The following SDK1 variants were observed in gnomAD, a reference collection of about 807,000 sequenced individuals.
SDK1 encodes the protein sidekick cell adhesion molecule 1, also known as protein sidekick-1.
A neutral mutation model predicts 245.5 loss-of-function variants in SDK1; 157 were observed. That is an observed-to-expected ratio of 0.64 (90% CI 0.56 to 0.73). The LOEUF (loss-of-function observed/expected upper bound fraction) is 0.73. Among genes scored for constraint, SDK1 ranks in the 30% least tolerant of loss-of-function variants. The probability of loss-of-function intolerance (pLI) is 0.00; values close to 1 mark genes in which losing one functional copy is unlikely to be tolerated. For synonymous variants in SDK1, 1,647 were observed against 1,278.5 expected (o/e 1.29, Z -6.15); for missense variants, 3,583 against 3,002.3 (o/e 1.19, Z -4.52).
rs1339063865 is a variant in SDK1, at chr7:4,268,854, G to A, written c.*3470G>A. ...GCGTCACCTTCTGGTTTAGGGAGCC[G>A]TCAGGTCCCTAAACGTTCCCTACAA... On this transcript the variant is annotated 3_prime_UTR_variant, in exon 45 of 45. Transcript: ENST00000404826. The A allele has an allele frequency of 1.0e-5, 8 of 764,008 alleles. No individual in the cohort carries two copies. Among genetic ancestry groups the A allele is most frequent in the East Asian group, 5.3e-5 (1 of 18,810 alleles). 47.3% of individuals were successfully genotyped at this position (764,008 alleles called of 1,614,324 possible).
chr7:3,395,790 T>G (rs938266603), intron 1 of SDK1, among the ~76,000 whole-genome samples: 1 of 151,928 alleles, frequency 6.6e-6, no homozygotes, highest in Non-Finnish European at 1.5e-5. Context: ...TTGTTAATAT[T>G]TCTTTGTCTT....
intron 5 of SDK1, among the ~76,000 whole-genome samples, chr7:3,850,325 G>A (rs1159481399): frequency 6.6e-6 from 1 of 152,212 alleles, no homozygotes; most frequent in African/African-American, 2.4e-5. Context: ...GAAAGCATGT[G>A]TAACGTTGCT....
intron 40 of SDK1, among the ~76,000 whole-genome samples, chr7:4,228,649 C>T (rs917226523): frequency 6.6e-6 from 1 of 152,222 alleles, no homozygotes; most frequent in African/African-American, 2.4e-5. Flanking sequence ...AAGCGATTCT[C>T]CTGCCTCAGT....
At position 3,963,951 on chromosome 7, in the gene SDK1, G is replaced by A. The variant is rs1032074019; in HGVS notation, c.1429+1100G>A. On this transcript the variant is annotated intron_variant, in intron 9 of 44. Coordinates refer to ENST00000404826, the MANE Select transcript of SDK1 (RefSeq NM_152744.4). ...ATCCAGTGAGCACACCCAGGCCGAC[G>A]GCTACCCAGATGTATCCAGTGGGTA... 1.1e-4 allele frequency among the ~76,000 whole-genome samples: 17 copies of A among 151,982 alleles called. No homozygotes were observed. The South Asian group carries it at 1.2e-3, about 11-fold the overall frequency.
At chr7:4,078,318 A>G (rs925713199) in intron 21 of SDK1, among the ~76,000 whole-genome samples, 3 of 152,206 alleles carry the variant, frequency 2.0e-5, no homozygotes, top group African/African-American at 2.4e-5. Flanking sequence ...CCGTGCTTGA[A>G]GTTTATCGCC....
chr7:3,432,112 T>TAAA (rs202224777), intron 1 of SDK1, among the ~76,000 whole-genome samples: 1 of 84,262 alleles, frequency 1.2e-5, no homozygotes, highest in African/African-American at 3.8e-5. Flanking sequence ...CAGGCTGCAG[T>TAAA]AAAAAAAAAA....
chr7:4,097,670 T>C (rs1232272402), intron 22 of SDK1, among the ~76,000 whole-genome samples: 1 of 152,192 alleles, frequency 6.6e-6, no homozygotes, highest in African/African-American at 2.4e-5. Context: ...ATCTCATCAC[T>C]TCAAGATCTG....
At chr7:3,827,404 G>C (rs557287899) in intron 5 of SDK1, among the ~76,000 whole-genome samples, 4 of 151,364 alleles carry the variant, frequency 2.6e-5, no homozygotes, top group Admixed American at 2.0e-4. Flanking sequence ...TACTCATCCT[G>C]AATCTTTAAC....
intron 1 of SDK1, among the ~76,000 whole-genome samples, chr7:3,534,975 TC>T (rs1778834010): frequency 6.6e-6 from 1 of 152,078 alleles, no homozygotes; most frequent in Non-Finnish European, 1.5e-5. Flanking sequence ...TGGCCAGCCT[TC>T]CCCGTGGGCT....
intron 1 of SDK1, among the ~76,000 whole-genome samples, chr7:3,462,394 A>C (rs938287392): frequency 6.6e-6 from 1 of 152,156 alleles, no homozygotes; most frequent in East Asian, 1.9e-4. Context: ...ATTGAATGTT[A>C]GCATTTCCCA....
intron 22 of SDK1, among the ~76,000 whole-genome samples, chr7:4,091,334 C>CTTTTTTTTTTTT (rs61065472): frequency 9.3e-4 from 101 of 108,256 alleles, no homozygotes; most frequent in African/African-American, 2.1e-3. Flanking sequence ...CTTTTCTTTT[C>CTTTTTTTTTTTT]TTTTTTTTTT....
At chr7:3,837,176 A>G (rs1004846676) in intron 5 of SDK1, among the ~76,000 whole-genome samples, 3 of 152,128 alleles carry the variant, frequency 2.0e-5, no homozygotes, top group Admixed American at 1.3e-4. Flanking sequence ...CGACTTACAC[A>G]TTTCTTATTC....
At chr7:4,088,979 A>G (rs1302403889) in intron 22 of SDK1, among the ~76,000 whole-genome samples, 1 of 151,748 alleles carries the variant, frequency 6.6e-6, no homozygotes, top group Non-Finnish European at 1.5e-5. Context: ...GAGGGAGGTG[A>G]GACCCTCCCT....
In SDK1 at chr7:3,490,036, C is replaced by T. The variant is rs542170688; in HGVS notation, c.299-129044C>T. On this transcript the variant is annotated intron_variant, in intron 1 of 44. Transcript: ENST00000404826. ...TTTGCATTTTTGTTGAGAGAATACA[C>T]AGAAATGATCTACTGTCACTTGCTT... Among the ~76,000 whole-genome samples, 127 of 152,132 alleles carry T rather than the reference C, an allele frequency of 8.3e-4. 1 individual carries two copies. The highest frequency in any genetic ancestry group is 1.5e-3 in the Non-Finnish European group (103 of 68,030).
At chr7:4,248,120 G>C (rs1216895903) in intron 44 of SDK1, among the ~76,000 whole-genome samples, 1 of 152,122 alleles carries the variant, frequency 6.6e-6, no homozygotes. Flanking sequence ...GCACACCCGT[G>C]AACTGAGCTA....
intron 14 of SDK1, among the ~76,000 whole-genome samples, chr7:3,998,856 A>C (rs1412488714): frequency 6.6e-6 from 1 of 152,080 alleles, no homozygotes; most frequent in Non-Finnish European, 1.5e-5. Flanking sequence ...TCTCTGGGTG[A>C]ATGTGGGAGC....
chr7:3,490,033 A>T (rs890593205), intron 1 of SDK1, among the ~76,000 whole-genome samples: 3 of 152,182 alleles, frequency 2.0e-5, no homozygotes, highest in Non-Finnish European at 4.4e-5. Context: ...TTGAGAGAAT[A>T]CACAGAAATG....
chr7:4,208,281 G>A lies in SDK1; in HGVS notation c.5397G>A (p.Gln1799=), dbSNP rs1326261519. 2 of 1,612,164 alleles carry A rather than the reference G, an allele frequency of 1.2e-6. No homozygotes were observed. Among genetic ancestry groups the A allele is most frequent in the Non-Finnish European group, 1.7e-6 (2 of 1,179,340 alleles). The change falls in exon 37 of 45, where the codon CAG becomes CAA. Residue 1799 remains glutamine (Q), a synonymous_variant. Transcript: ENST00000404826. ...KSDPQQGRTH[Q]AAPGAPSFLA... Reference sequence around the variant, plus strand: ...ACCCCCAGCAGGGGCGCACCCACCAGGCCGGTAGGAGGAAGGCGGGTTTCC... The same window carrying A: ...ACCCCCAGCAGGGGCGCACCCACCAAGCCGGTAGGAGGAAGGCGGGTTTCC...
intron 1 of SDK1, among the ~76,000 whole-genome samples, chr7:3,328,010 G>T (rs1195375090): frequency 6.6e-6 from 1 of 152,084 alleles, no homozygotes; most frequent in African/African-American, 2.4e-5. Context: ...TCCCTCTGGA[G>T]GCTGTGAAAA....
Sources: gnomAD v4.1 joint callset for allele counts (sites outside exome capture counted in the v4.1 genomes callset) on GRCh38, gnomAD v4.1.1 for gene constraint, MANE v1.5 for transcripts, NCBI Gene and HGNC (gene_info 2026-07-23, HGNC 2026-07-21) for gene names.